NEGR1: variants seen among roughly 807,000 people sequenced by gnomAD.
NEGR1 encodes IgLON family member 4.
NEGR1 carries 10 observed loss-of-function variants against 40.9 expected under a neutral mutation model. The observed-to-expected ratio is 0.24, with a 90% CI of 0.15 to 0.42. NEGR1 has a LOEUF of 0.42. Ranked by LOEUF, NEGR1 falls within the 10% of genes least tolerant of loss-of-function variation. The probability of loss-of-function intolerance (pLI) is 1.00; values close to 1 mark genes in which losing one functional copy is unlikely to be tolerated. For missense variants in NEGR1, 352 were observed against 438.9 expected, an observed-to-expected ratio of 0.80 and a Z score of 1.77; for synonymous variants, 185 against 166.8, an observed-to-expected ratio of 1.11 and a Z score of -0.84.
chr1:71,741,418 A>G lies in NEGR1; in HGVS notation c.535+34754T>C, dbSNP rs554585038. 7.0e-4 allele frequency among the ~76,000 whole-genome samples: 106 copies of G among 152,210 alleles called. 2 individuals are homozygous for G. The highest frequency in any genetic ancestry group is 8.1e-4 in the Non-Finnish European group (55 of 68,010). On this transcript the variant is annotated intron_variant, in intron 3 of 6. Coordinates refer to ENST00000357731, the MANE Select transcript of NEGR1 (RefSeq NM_173808.3). ...ATATGTGTTTCCTCCTATCAACCCA[A>G]TTCTCCCATTCCTTTGTTTAATTTA... is the stretch of plus-strand genomic sequence containing the variant.
intron 1 of NEGR1, among the ~76,000 whole-genome samples, chr1:72,215,883 C>T (rs1247569437): frequency 1.3e-5 from 2 of 151,914 alleles, no homozygotes; most frequent in Non-Finnish European, 2.9e-5. Context: ...TATTATAAAT[C>T]ATTGTACTAT....
chr1:72,266,416 T>G (rs943925222), intron 1 of NEGR1, among the ~76,000 whole-genome samples: 1 of 150,820 alleles, frequency 6.6e-6, no homozygotes, highest in African/African-American at 2.4e-5. Flanking sequence ...AACAAGTTTT[T>G]TATAGATTCA....
chr1:71,906,007 T>G (rs114327342), intron 2 of NEGR1, among the ~76,000 whole-genome samples: 90 of 152,118 alleles, frequency 5.9e-4, no homozygotes, highest in African/African-American at 2.0e-3. Flanking sequence ...TTAGGGACTT[T>G]CCACCATATT....
intron 6 of NEGR1, among the ~76,000 whole-genome samples, chr1:71,522,730 TACACACACAC>T (rs3980477): frequency 1.4e-5 from 2 of 144,292 alleles, no homozygotes; most frequent in Admixed American, 7.0e-5. Flanking sequence ...ACCCCCCCCT[TACACACACAC>T]ACACACACAC....
chr1:71,747,832 C>T (rs79285377), intron 3 of NEGR1, among the ~76,000 whole-genome samples: 1 of 145,518 alleles, frequency 6.9e-6, no homozygotes, highest in East Asian at 2.0e-4. Flanking sequence ...CATCCTTCAC[C>T]TTTTTTTTTT....
chr1:71,943,454 T>G (rs1221143262), intron 1 of NEGR1, among the ~76,000 whole-genome samples: 1 of 151,882 alleles, frequency 6.6e-6, no homozygotes, highest in African/African-American at 2.4e-5. Flanking sequence ...AACTCATAAT[T>G]AAACTGTTTT....
At chr1:72,211,811 A>T (rs1217894100) in intron 1 of NEGR1, among the ~76,000 whole-genome samples, 1 of 151,744 alleles carries the variant, frequency 6.6e-6, no homozygotes, top group Non-Finnish European at 1.5e-5. Context: ...AATGCCTGAG[A>T]ACTGCCACTG....
At chr1:71,976,381 T>G (rs146432370) in intron 1 of NEGR1, among the ~76,000 whole-genome samples, 61 of 152,348 alleles carry the variant, frequency 4.0e-4, no homozygotes, top group Middle Eastern at 6.8e-3. Flanking sequence ...TCTTAGATAT[T>G]ACTCTGAAAT....
At chr1:71,409,249 A>C (rs1344383817) in intron 6 of NEGR1, among the ~76,000 whole-genome samples, 3 of 151,956 alleles carry the variant, frequency 2.0e-5, no homozygotes, top group Non-Finnish European at 4.4e-5. Context: ...TAAAAATACA[A>C]ATTAATCTTT....
At chr1:72,225,066 CCTT>C (rs1166030295) in intron 1 of NEGR1, among the ~76,000 whole-genome samples, 2 of 151,968 alleles carry the variant, frequency 1.3e-5, no homozygotes, top group Non-Finnish European at 2.9e-5. Context: ...TCTTTTTGCT[CCTT>C]CTGTCTTCAT....
chr1:71,909,573 C>G (rs909204862), intron 2 of NEGR1, among the ~76,000 whole-genome samples: 14 of 152,104 alleles, frequency 9.2e-5, no homozygotes, highest in African/African-American at 3.4e-4. Flanking sequence ...ATTTTATAAC[C>G]AAAACTGACA....
chr1:72,065,820 CTA>C (rs1389959480), intron 1 of NEGR1, among the ~76,000 whole-genome samples: 1 of 152,072 alleles, frequency 6.6e-6, no homozygotes, highest in Non-Finnish European at 1.5e-5. Flanking sequence ...CACAGCACCA[CTA>C]TGAGACCCTG....
intron 1 of NEGR1, among the ~76,000 whole-genome samples, chr1:72,214,443 C>T (rs1444580037): frequency 6.6e-6 from 1 of 152,104 alleles, no homozygotes; most frequent in Non-Finnish European, 1.5e-5. Flanking sequence ...TTGCAGATAA[C>T]ATGATTGTAT....
intron 1 of NEGR1, among the ~76,000 whole-genome samples, chr1:71,959,683 T>A (rs893252621): frequency 3.9e-5 from 6 of 152,160 alleles, no homozygotes; most frequent in African/African-American, 1.4e-4. Flanking sequence ...TCATTGCCAA[T>A]AATTTATTTG....
intron 2 of NEGR1, among the ~76,000 whole-genome samples, chr1:71,781,845 A>G (rs1177425545): frequency 6.6e-6 from 1 of 152,194 alleles, no homozygotes; most frequent in African/African-American, 2.4e-5. Flanking sequence ...TATGTTCACT[A>G]GGACAAATAA....
In NEGR1 at chr1:71,959,529, C is replaced by T. The variant is rs574811907; in HGVS notation, c.177-24218G>A. Among the ~76,000 whole-genome samples, 18 of 152,096 alleles carry T rather than the reference C, an allele frequency of 1.2e-4. No homozygotes were observed. In the South Asian group the frequency reaches 3.5e-3, roughly 30 times the overall value. ...CATGCATGATAAATTGTACTAAATACAATATTCAGGTCTGGACATACTAGG... is the reference window on the plus strand; with the variant it reads ...CATGCATGATAAATTGTACTAAATATAATATTCAGGTCTGGACATACTAGG... On this transcript the variant is annotated intron_variant, in intron 1 of 6. Coordinates refer to ENST00000357731, the MANE Select transcript of NEGR1 (RefSeq NM_173808.3).
At chr1:72,281,446 T>C (rs1439641316) in intron 1 of NEGR1, among the ~76,000 whole-genome samples, 7 of 151,848 alleles carry the variant, frequency 4.6e-5, no homozygotes, top group Non-Finnish European at 8.8e-5. Context: ...GGAAATAAGA[T>C]TTATGAGGGT....
chr1:71,928,542 A>G (rs1203993122), intron 2 of NEGR1, among the ~76,000 whole-genome samples: 1 of 134,606 alleles, frequency 7.4e-6, no homozygotes, highest in Non-Finnish European at 1.6e-5. Context: ...ATACACATAT[A>G]TATACACATA....
At chr1:71,691,689 G>T (rs1465202730) in intron 4 of NEGR1, among the ~76,000 whole-genome samples, 2 of 151,546 alleles carry the variant, frequency 1.3e-5, no homozygotes. Context: ...TATGCCTATG[G>T]AAATTCACTA....
Sources: gnomAD v4.1 joint callset for allele counts (sites outside exome capture counted in the v4.1 genomes callset) on GRCh38, gnomAD v4.1.1 for gene constraint, MANE v1.5 for transcripts, NCBI Gene and HGNC (gene_info 2026-07-23, HGNC 2026-07-21) for gene names.